DPF3: variants seen among roughly 807,000 people sequenced by gnomAD.
DPF3 encodes zinc finger protein DPF3.
Under a neutral mutation model 56.8 loss-of-function variants are expected in DPF3, and 18 were observed. The ratio of observed to expected loss-of-function variants is 0.32; its 90% CI spans 0.22 to 0.47. The LOEUF is 0.47. Among genes scored for constraint, DPF3 ranks in the 20% least tolerant of loss-of-function variants. DPF3 has a pLI of 1.00. For synonymous variants in DPF3, 188 were observed against 180.2 expected, an observed-to-expected ratio of 1.04 and a Z score of -0.35; for missense variants, 403 against 488.8, an observed-to-expected ratio of 0.82 and a Z score of 1.65.
At chr14:72,765,946 T>C (rs1276149937) in intron 2 of DPF3, among the ~76,000 whole-genome samples, 18 of 151,966 alleles carry the variant, frequency 1.2e-4, no homozygotes, top group Non-Finnish European at 5.9e-5. Context: ...ACAGTGTGTG[T>C]TTCTGGTATA....
At chr14:72,893,926 GAAGA>G (rs1473933812) in intron 1 of DPF3, 127 bp downstream of exon 1, 6 of 995,692 alleles carry the variant, frequency 6.0e-6, no homozygotes, top group Admixed American at 2.3e-5. Flanking sequence ...AGAGCTGAAA[GAAGA>G]GAGAAGCCCC....
chr14:72,755,495 C>A (rs926111317), intron 2 of DPF3, among the ~76,000 whole-genome samples: 1 of 152,192 alleles, frequency 6.6e-6, no homozygotes, highest in African/African-American at 2.4e-5. Context: ...CATCCTAACA[C>A]CTTTCTGAGC....
chr14:72,802,430 A>C (rs1269293961), intron 1 of DPF3, among the ~76,000 whole-genome samples: 1 of 152,108 alleles, frequency 6.6e-6, no homozygotes, highest in Non-Finnish European at 1.5e-5. Flanking sequence ...TGTCTCTCAG[A>C]CTGGCTAATC....
intron 2 of DPF3, among the ~76,000 whole-genome samples, chr14:72,753,665 C>A (rs998516831): frequency 6.6e-6 from 1 of 152,150 alleles, no homozygotes; most frequent in African/African-American, 2.4e-5. Context: ...ACCAACTGGA[C>A]CTTCAGACAA....
chr14:72,656,467 T>C (rs898184917), intron 8 of DPF3, among the ~76,000 whole-genome samples: 3 of 152,218 alleles, frequency 2.0e-5, no homozygotes, highest in East Asian at 1.9e-4. Context: ...GTCAAGCAGA[T>C]TGATGCTAAA....
chr14:72,893,576 C>A (rs1016987834), intron 1 of DPF3, among the ~76,000 whole-genome samples: 22 of 152,012 alleles, frequency 1.4e-4, no homozygotes, highest in African/African-American at 5.1e-4. Context: ...GTCCGCTGGA[C>A]CCAGCGGACC....
intron 8 of DPF3, among the ~76,000 whole-genome samples, chr14:72,664,567 C>T (rs1271393084): frequency 3.3e-5 from 5 of 152,006 alleles, no homozygotes; most frequent in African/African-American, 1.2e-4. Context: ...CAACCCCTCC[C>T]CACCCCTGTC....
intron 1 of DPF3, among the ~76,000 whole-genome samples, chr14:72,849,822 G>A (rs1884903080): frequency 6.6e-6 from 1 of 152,108 alleles, no homozygotes; most frequent in Non-Finnish European, 1.5e-5. Context: ...TGAAAACTGA[G>A]TTAGCTAGGT....
intron 8 of DPF3, among the ~76,000 whole-genome samples, chr14:72,642,821 T>G (rs900646813): frequency 6.6e-6 from 1 of 152,138 alleles, no homozygotes; most frequent in African/African-American, 2.4e-5. Flanking sequence ...GTCAGAGGCT[T>G]CCTAGAAGTA....
chr14:72,685,313 T>C lies in DPF3; in HGVS notation c.742+7763A>G, dbSNP rs542934151. 5.3e-5 allele frequency among the ~76,000 whole-genome samples: 8 copies of C among 152,272 alleles called. No homozygotes were observed. In the South Asian group the frequency reaches 1.7e-3, roughly 32 times the overall value. On this transcript the variant is annotated intron_variant, in intron 7 of 10. Transcript: ENST00000556509. Reference sequence around the variant, plus strand: ...CTGAATGGTATCCAACTCAAGCCCATTCACATCTCAGCTTCCCACCTTGCT... The same window carrying C: ...CTGAATGGTATCCAACTCAAGCCCACTCACATCTCAGCTTCCCACCTTGCT...
intron 7 of DPF3, among the ~76,000 whole-genome samples, chr14:72,687,054 A>C (rs1246047238): frequency 6.6e-6 from 1 of 152,222 alleles, no homozygotes. Context: ...TTATCAGACT[A>C]ATTTTCAGAT....
rs1884104164 is a variant in DPF3 at position 72,616,553 on chromosome 14, A to C, written c.*2744T>G. Among the ~76,000 whole-genome samples the C allele has an allele frequency of 6.6e-6, 1 of 152,176 alleles. No homozygotes were observed. Among genetic ancestry groups the C allele is most frequent in the South Asian group, 2.1e-4 (1 of 4,832 alleles). ...CATCCGGAGTTCTTCCCAGACAAGC[A>C]TGGCTCTGCAGTGCTTGTTTATGTA... is the stretch of plus-strand genomic sequence containing the variant. On this transcript the variant is annotated 3_prime_UTR_variant, in exon 11 of 11. Coordinates refer to ENST00000556509, the MANE Select transcript of DPF3 (RefSeq NM_001280542.3).
chr14:72,768,919 CTGTGTGTGAGTGTCTGTGTGTG>C (rs1415635198), intron 2 of DPF3, among the ~76,000 whole-genome samples: 1 of 135,844 alleles, frequency 7.4e-6, no homozygotes, highest in Admixed American at 7.9e-5. Flanking sequence ...TGTTCTGATA[CTGTGTGTGAGTGTCTGTGTGTG>C]TGTGTGTGTG....
intron 1 of DPF3, among the ~76,000 whole-genome samples, chr14:72,800,569 C>T (rs577707008): frequency 1.4e-5 from 2 of 146,056 alleles, no homozygotes; most frequent in Non-Finnish European, 3.0e-5. Flanking sequence ...TGCATGGATG[C>T]ATGCATGCAT....
intron 6 of DPF3, among the ~76,000 whole-genome samples, chr14:72,709,704 C>T (rs1003510088): frequency 2.0e-5 from 3 of 152,012 alleles, no homozygotes; most frequent in Non-Finnish European, 2.9e-5. Flanking sequence ...TCCCACTGTT[C>T]GCATCCTAGA....
intron 1 of DPF3, among the ~76,000 whole-genome samples, chr14:72,812,947 G>T (rs540044268): frequency 2.6e-5 from 4 of 152,240 alleles, no homozygotes; most frequent in Admixed American, 1.3e-4. Flanking sequence ...GAATGGGGTT[G>T]GGGGCAATGG....
intron 7 of DPF3, among the ~76,000 whole-genome samples, chr14:72,679,015 C>A (rs1431510892): frequency 6.6e-6 from 1 of 152,234 alleles, no homozygotes; most frequent in East Asian, 1.9e-4. Flanking sequence ...AAGCTTCACA[C>A]AGCCCCATCA....
At chr14:72,636,125 A>G (rs912444923) in intron 8 of DPF3, among the ~76,000 whole-genome samples, 1 of 152,234 alleles carries the variant, frequency 6.6e-6, no homozygotes, top group African/African-American at 2.4e-5. Flanking sequence ...CAGAAATTGT[A>G]TTACATAAAA....
At chr14:72,788,121 G>A (rs1208139940) in intron 1 of DPF3, among the ~76,000 whole-genome samples, 5 of 152,172 alleles carry the variant, frequency 3.3e-5, no homozygotes, top group South Asian at 2.1e-4. Flanking sequence ...TGACCCTGAC[G>A]GGCATGCACT....
Sources: gnomAD v4.1 joint callset for allele counts (sites outside exome capture counted in the v4.1 genomes callset) on GRCh38, gnomAD v4.1.1 for gene constraint, MANE v1.5 for transcripts, NCBI Gene and HGNC (gene_info 2026-07-23, HGNC 2026-07-21) for gene names.